DNAH7: variants seen among roughly 807,000 people sequenced by gnomAD.
DNAH7 encodes the protein dynein axonemal heavy chain 7, also known as axonemal beta dynein heavy chain 7.
In DNAH7, 397 loss-of-function variants were observed where a neutral mutation model predicts 444.6. The observed-to-expected ratio is 0.89, with a 90% CI of 0.82 to 0.97. The LOEUF is 0.97. Ranked by LOEUF, DNAH7 falls within the 50% of genes least tolerant of loss-of-function variation. The pLI is 0.00. For missense variants in DNAH7, 4,902 were observed against 4,800.8 expected (o/e 1.02, Z -0.62); for synonymous variants, 1,636 against 1,624.4 (o/e 1.01, Z -0.17).
chr2:195,835,797 T>C (rs1267718772), intron 47 of DNAH7, among the ~76,000 whole-genome samples: 2 of 152,106 alleles, frequency 1.3e-5, no homozygotes, highest in African/African-American at 4.8e-5. Flanking sequence ...TGAGCCGAGA[T>C]TGCACCACAG....
intron 1 of DNAH7, among the ~76,000 whole-genome samples, chr2:196,060,021 C>T (rs1323405789): frequency 6.6e-6 from 1 of 152,114 alleles, no homozygotes; most frequent in Non-Finnish European, 1.5e-5. Flanking sequence ...CGAAACCATC[C>T]TGGCTAACAC....
At position 195,871,797 on chromosome 2, in the gene DNAH7, G is replaced by A. The variant is rs553871018; in HGVS notation, c.6633+453C>T. ...ATACAAAAAATTAGCCGGGCGTAGT[G>A]GCGGGCGCCTGTAGTCCCAGCTACT... On this transcript the variant is annotated intron_variant, in intron 40 of 64. Transcript: ENST00000312428. Among the ~76,000 whole-genome samples the A allele has an allele frequency of 1.8e-4, 16 of 88,058 alleles. 6 individuals carry two copies. The African/African-American group carries it at 1.9e-3, about 11-fold the overall frequency. 57.8% of individuals were successfully genotyped at this position (88,058 alleles called of 152,430 possible). A position where few individuals can be genotyped will look rare whatever the true frequency, so the allele number is the denominator to read the frequency against.
intron 10 of DNAH7, among the ~76,000 whole-genome samples, chr2:196,005,647 C>T (rs1258266774): frequency 1.3e-5 from 2 of 151,708 alleles, no homozygotes; most frequent in Admixed American, 6.6e-5. Flanking sequence ...CAAAAACTAC[C>T]AAATCTGACT....
In DNAH7 at chr2:195,895,036, AAAT is replaced by A. The variant is rs1348342126; in HGVS notation, c.4833_4835del (p.Phe1612del). The A allele has an allele frequency of 1.9e-6, 3 of 1,613,224 alleles. No homozygotes were observed. The African/African-American group carries it at 4.0e-5, about 22-fold the overall frequency. Reference sequence around the variant, plus strand: ...CACGATATGCACTAGTTTTTCCTCCAAATGGTTCTCCAACAATCATAAAACCAT... The same window carrying A: ...CACGATATGCACTAGTTTTTCCTCCAGGTTCTCCAACAATCATAAAACCAT... On this transcript the variant is annotated inframe_deletion, in exon 30 of 65. Transcript: ENST00000312428.
Position 195,808,815 on chromosome 2 carries a change from G to A in DNAH7, c.9950C>T (p.Ala3317Val). The A allele has an allele frequency of 6.2e-7, 1 of 1,613,920 alleles. No homozygotes were observed. ...TGGIGLDNPY[A>V]NLCTWLPQKS... ...CTGAGGAAGCCATGTACAAAGGTTG[G>A]CATAAGGATTATCCAGTCCAATGCC... The change falls in exon 53 of 65, where the codon GCC becomes GTC. Residue 3317 changes from alanine to valine, a missense_variant. Coordinates refer to ENST00000312428, the MANE Select transcript of DNAH7 (RefSeq NM_018897.3).
Position 195,987,186 on chromosome 2 carries a change from CGAAT to C in DNAH7, c.1630_1633del (p.Ile544ValfsTer2), listed in dbSNP as rs749523892. 4.1e-5 allele frequency: 65 copies of C among 1,587,900 alleles called. No homozygotes were observed. Among genetic ancestry groups the C allele is most frequent in the Admixed American group, 1.1e-4 (6 of 54,096 alleles). On this transcript the variant is annotated frameshift_variant, in exon 14 of 65. Transcript: ENST00000312428. LOFTEE classifies it high-confidence loss of function. ...ACAGTGCATTTCAAACATTCCTAAA[CGAAT>C]AGTCTGCAAAAGATTAAAAGTTTAA... is the stretch of plus-strand genomic sequence containing the variant.
At chr2:195,747,808 A>G (rs1693521228) in intron 63 of DNAH7, among the ~76,000 whole-genome samples, 1 of 152,204 alleles carries the variant, frequency 6.6e-6, no homozygotes, top group Non-Finnish European at 1.5e-5. Context: ...AAAACTCTCA[A>G]TAAATTAGGT....
At chr2:195,978,738 C>T (rs567433799) in intron 15 of DNAH7, among the ~76,000 whole-genome samples, 132 of 152,068 alleles carry the variant, frequency 8.7e-4, no homozygotes, top group Non-Finnish European at 1.6e-3. Flanking sequence ...AAAAGATATT[C>T]CATGCCAATG....
rs1358353251 is a variant in DNAH7, at chr2:195,923,675, C to T, written c.3745G>A (p.Val1249Ile). 1 of 1,614,092 alleles carries T rather than the reference C, an allele frequency of 6.2e-7. No individual in the cohort carries two copies. Among genetic ancestry groups the T allele is most frequent in the East Asian group, 2.2e-5 (1 of 44,864 alleles). The change falls in exon 23 of 65, where the codon GTC becomes ATC. Residue 1249 changes from valine to isoleucine, a missense_variant. Physicochemically the swap from Val to Ile is conservative, Grantham distance 29. Coordinates refer to ENST00000312428, the MANE Select transcript of DNAH7 (RefSeq NM_018897.3). ...LVVLDVHARD[V>I]LSSLVKKNIS... is the part of the protein sequence containing the mutation. ...TTTTTTTTTACAAGTGATGAGAGGA[C>T]ATCTCTAGCATGGACATCCAGTACC...
chr2:195,771,137 G>A (rs1018880480), intron 61 of DNAH7, among the ~76,000 whole-genome samples: 8 of 151,830 alleles, frequency 5.3e-5, no homozygotes, highest in South Asian at 4.2e-4. Flanking sequence ...TGAGCAGGAT[G>A]GCGAGACCCC....
At position 196,039,965 on chromosome 2, in the gene DNAH7, T is replaced by A. The variant is rs542301779; in HGVS notation, c.398+7387A>T. ...AAATAGACACATCCCTAGACACATA[T>A]AACCTACCAATATTGAACCAGGGAA... is the stretch of plus-strand genomic sequence containing the variant. On this transcript the variant is annotated intron_variant, in intron 5 of 64. Transcript: ENST00000312428. Among the ~76,000 whole-genome samples the A allele has an allele frequency of 3.3e-5, 5 of 151,776 alleles. No homozygotes were observed. In the South Asian group the frequency reaches 8.3e-4, roughly 25 times the overall value.
At chr2:196,020,612 GT>G (rs201513142) in intron 8 of DNAH7, among the ~76,000 whole-genome samples, 19,143 of 133,474 alleles carry the variant, frequency 0.14, 1,996 homozygotes, top group African/African-American at 0.32. Context: ...TGGGGCTTTT[GT>G]TTTTTTTTTT....
At chr2:195,898,675 T>C (rs1686497471) in intron 28 of DNAH7, among the ~76,000 whole-genome samples, 1 of 152,202 alleles carries the variant, frequency 6.6e-6, no homozygotes, top group Admixed American at 6.5e-5. Context: ...CAGGGGATGC[T>C]GCTGGCTGCA....
chr2:195,907,877 T>C (rs1049353094), intron 25 of DNAH7, among the ~76,000 whole-genome samples: 8 of 152,122 alleles, frequency 5.3e-5, no homozygotes, highest in Non-Finnish European at 8.8e-5. Flanking sequence ...GAAGACCCTA[T>C]AAATGACTTT....
chr2:195,922,864 AT>A (rs146731861), intron 23 of DNAH7, among the ~76,000 whole-genome samples: 17,096 of 146,686 alleles, frequency 0.12, 1,260 homozygotes, highest in Middle Eastern at 0.28. Flanking sequence ...AATTAGAGGA[AT>A]TTTTTTTTTT....
At chr2:195,740,700 TTA>T (rs1279233007) in intron 64 of DNAH7, 64 bp downstream of exon 64, 107 of 499,104 alleles carry the variant, frequency 2.1e-4, no homozygotes, top group Non-Finnish European at 2.9e-6. Context: ...GGGGTCTATT[TTA>T]TATATAATAT....
At chr2:196,007,643 C>T (rs1224960943) in intron 10 of DNAH7, among the ~76,000 whole-genome samples, 1 of 151,978 alleles carries the variant, frequency 6.6e-6, no homozygotes, top group African/African-American at 2.4e-5. Flanking sequence ...GGGCAGTTTC[C>T]CCTGTACTCT....
chr2:195,829,762 A>G (rs1180717156), intron 48 of DNAH7, among the ~76,000 whole-genome samples: 1 of 152,076 alleles, frequency 6.6e-6, no homozygotes, highest in Non-Finnish European at 1.5e-5. Context: ...GCTAAAATAT[A>G]CATTATGAAA....
chr2:196,050,789 C>G (rs529677253), intron 3 of DNAH7, among the ~76,000 whole-genome samples: 1 of 152,202 alleles, frequency 6.6e-6, no homozygotes, highest in South Asian at 2.1e-4. Context: ...GCTGGAAGAC[C>G]CATCTCCTTG....
Sources: allele counts gnomAD v4.1 joint callset (sites outside exome capture counted in the v4.1 genomes callset), GRCh38; gene constraint gnomAD v4.1.1; transcripts MANE v1.5; gene names NCBI Gene and HGNC (gene_info 2026-07-23, HGNC 2026-07-21).